Variants in PIGL observed in about 807,000 individuals in gnomAD.
PIGL encodes the protein phosphatidylinositol glycan anchor biosynthesis class L, also known as N-acetylglucosaminyl-phosphatidylinositol de-N-acetylase.
Under a neutral mutation model 31.1 loss-of-function variants are expected in PIGL, and 22 were observed. The observed-to-expected ratio is 0.71, with a 90% confidence interval of 0.51 to 1.01. The LOEUF (loss-of-function observed/expected upper bound fraction) is 1.01, where lower values mean the gene tolerates loss of function less well. Among genes scored for constraint, PIGL ranks in the 50% least tolerant of loss-of-function variants. The pLI, the probability that PIGL is intolerant of heterozygous loss-of-function variation, is 0.00. For missense variants in PIGL, 302 were observed against 315.9 expected, an observed-to-expected ratio of 0.96 and a Z score of 0.33; for synonymous variants, 131 against 117.4, an observed-to-expected ratio of 1.12 and a Z score of -0.75.
chr17:16,275,527 C>T (rs2092891256), intron 2 of PIGL, among the ~76,000 whole-genome samples: 1 of 152,128 alleles, frequency 6.6e-6, no homozygotes, highest in African/African-American at 2.4e-5. Flanking sequence ...TTTTAGCCAG[C>T]CCCTATTCAA....
At chr17:16,320,202 AAAGGAAGG>A (rs199746775) in intron 6 of PIGL, among the ~76,000 whole-genome samples, 23,683 of 62,914 alleles carry the variant, frequency 0.38, 4,917 homozygotes, top group East Asian at 0.47. Flanking sequence ...GAGAGAAAGA[AAAGGAAGG>A]AAGGAAGGAA....
chr17:16,249,059 C>G (rs1056209022), intron 2 of PIGL, among the ~76,000 whole-genome samples: 1 of 152,206 alleles, frequency 6.6e-6, no homozygotes, highest in African/African-American at 2.4e-5. Context: ...TTTATATAAC[C>G]TCAATTGCAG....
intron 1 of PIGL, among the ~76,000 whole-genome samples, chr17:16,231,232 C>G (rs947977149): frequency 1.6e-5 from 2 of 126,510 alleles, no homozygotes; most frequent in African/African-American, 2.9e-5. Context: ...ATTTTCTTTT[C>G]TTTTTTTTTT....
chr17:16,288,405 C>G (rs2092946834), intron 2 of PIGL, among the ~76,000 whole-genome samples: 1 of 152,170 alleles, frequency 6.6e-6, no homozygotes, highest in African/African-American at 2.4e-5. Context: ...TGGGGTTTCT[C>G]CGTGTTGGCC....
intron 2 of PIGL, among the ~76,000 whole-genome samples, chr17:16,278,713 CAA>C (rs57913710): frequency 1.4e-5 from 2 of 147,602 alleles, no homozygotes; most frequent in Non-Finnish European, 3.0e-5. Flanking sequence ...TAAATCTAGG[CAA>C]AAAAAAAAAA....
In PIGL at chr17:16,225,375, G is replaced by A. The variant is rs117899263; in HGVS notation, c.235+7914G>A. Among the ~76,000 whole-genome samples, 1,102 of 146,892 alleles carry A rather than the reference G, an allele frequency of 7.5e-3. 48 individuals are homozygous for A. The East Asian group carries it at 0.11, about 15-fold the overall frequency. On this transcript the variant is annotated intron_variant, in intron 1 of 6. Coordinates refer to ENST00000225609, the MANE Select transcript of PIGL (RefSeq NM_004278.4). ...TATTTTGTGATTTTTTTAAATGTAA[G>A]CACGTTTCTTTTTTTTTTTTTTTTT...
chr17:16,252,220 C>T (rs1436607870), intron 2 of PIGL, among the ~76,000 whole-genome samples: 1 of 151,966 alleles, frequency 6.6e-6, no homozygotes, highest in Non-Finnish European at 1.5e-5. Flanking sequence ...ATTACAGGCA[C>T]ATGCCAACAC....
At chr17:16,324,101 C>T (rs890503104) in intron 6 of PIGL, among the ~76,000 whole-genome samples, 11 of 150,824 alleles carry the variant, frequency 7.3e-5, no homozygotes, top group African/African-American at 2.4e-4. Flanking sequence ...GGGTTACAGG[C>T]GTGCACCACC....
chr17:16,325,805 C>T lies in PIGL; in HGVS notation c.666C>T (p.Ala222=), dbSNP rs779795856. 3.7e-6 allele frequency: 6 copies of T among 1,612,914 alleles called. No homozygotes were observed. Among genetic ancestry groups the T allele is most frequent in the Non-Finnish European group, 4.2e-6 (5 of 1,178,958 alleles). ...GTTCTCTTTGATTCTTCTAGAAAGCCATGTCCTGCCACCGCAGCCAGCTCC... is the reference window on the plus strand; with the variant it reads ...GTTCTCTTTGATTCTTCTAGAAAGCTATGTCCTGCCACCGCAGCCAGCTCC... ...NSKEVAQAKK[A]MSCHRSQLLW... Residue 222 remains alanine, a synonymous_variant, in exon 7 of 7, where the codon GCC becomes GCT. Coordinates refer to ENST00000225609, the MANE Select transcript of PIGL (RefSeq NM_004278.4).
intron 1 of PIGL, among the ~76,000 whole-genome samples, chr17:16,227,940 C>T (rs1408798822): frequency 6.6e-6 from 1 of 151,976 alleles, no homozygotes; most frequent in East Asian, 1.9e-4. Flanking sequence ...GGGATAACGC[C>T]TATAATCCCA....
intron 2 of PIGL, among the ~76,000 whole-genome samples, chr17:16,246,493 AG>A (rs1002743995): frequency 1.3e-5 from 2 of 151,436 alleles, no homozygotes; most frequent in Non-Finnish European, 2.9e-5. Context: ...GCCTGGCAAC[AG>A]AGTGAGACTC....
chr17:16,217,619 CG>C, intron 1 of PIGL, 158 bp downstream of exon 1: 3 of 603,798 alleles, frequency 5.0e-6, no homozygotes, highest in Admixed American at 3.1e-5. Context: ...GGGACAGGAG[CG>C]GCCGGCTTAC....
At chr17:16,295,710 A>C (rs1286561552) in intron 2 of PIGL, among the ~76,000 whole-genome samples, 2 of 151,896 alleles carry the variant, frequency 1.3e-5, no homozygotes, top group Admixed American at 1.3e-4. Context: ...TTGGGAGGCC[A>C]AGGTGGGTGG....
chr17:16,325,425 C>CTGTTTGAGA (rs2093123595), intron 6 of PIGL, among the ~76,000 whole-genome samples: 1 of 151,088 alleles, frequency 6.6e-6, no homozygotes, highest in Non-Finnish European at 1.5e-5. Context: ...TACCTACTAG[C>CTGTTTGAGA]TGTTTGAGAC....
intron 2 of PIGL, among the ~76,000 whole-genome samples, chr17:16,249,204 A>G (rs1329073163): frequency 6.6e-6 from 1 of 152,218 alleles, no homozygotes; most frequent in Non-Finnish European, 1.5e-5. Flanking sequence ...CTGGCTGGGC[A>G]CAGTGCACTC....
chr17:16,304,425 A>G (rs1446636778), intron 3 of PIGL, among the ~76,000 whole-genome samples: 1 of 152,190 alleles, frequency 6.6e-6, no homozygotes, highest in Middle Eastern at 3.2e-3. Context: ...GGAACATCAT[A>G]AAGACCATAA....
At chr17:16,269,053 T>C (rs1176992745) in intron 2 of PIGL, among the ~76,000 whole-genome samples, 1 of 152,138 alleles carries the variant, frequency 6.6e-6, no homozygotes, top group Non-Finnish European at 1.5e-5. Flanking sequence ...TAAGCAACCA[T>C]GCCCAGCCAG....
At chr17:16,243,873 G>A (rs1205715407) in intron 2 of PIGL, among the ~76,000 whole-genome samples, 1 of 152,324 alleles carries the variant, frequency 6.6e-6, no homozygotes, top group South Asian at 2.1e-4. Flanking sequence ...GCAGAGCTGC[G>A]GGAGACCAGA....
chr17:16,301,423 C>A (rs1046546699), intron 3 of PIGL, among the ~76,000 whole-genome samples: 5 of 151,644 alleles, frequency 3.3e-5, no homozygotes, highest in African/African-American at 1.2e-4. Context: ...TGCCACCACG[C>A]CAGGCTAATT....
Sources: allele counts gnomAD v4.1 joint callset (sites outside exome capture counted in the v4.1 genomes callset), GRCh38; gene constraint gnomAD v4.1.1; transcripts MANE v1.5; gene names NCBI Gene and HGNC (gene_info 2026-07-23, HGNC 2026-07-21).